The following CCNB3 variants were observed in gnomAD, a reference collection of about 807,000 sequenced individuals.
The protein encoded by CCNB3 is G2/mitotic-specific cyclin-B3.
A neutral mutation model predicts 68.0 loss-of-function variants in CCNB3; 12 were observed. That is an observed-to-expected ratio of 0.18 (90% CI 0.11 to 0.29). The LOEUF (loss-of-function observed/expected upper bound fraction) is 0.29. Among genes scored for constraint, CCNB3 ranks in the 10% least tolerant of loss-of-function variants. CCNB3 has a pLI of 1.00. For missense variants in CCNB3, 904 were observed against 993.1 expected (o/e 0.91, Z 1.21); for synonymous variants, 354 against 388.9 (o/e 0.91, Z 1.06).
intron 4 of CCNB3, among the ~76,000 whole-genome samples, chrX:50,293,372 C>T (rs1024015732): frequency 4.5e-5 from 5 of 109,967 alleles, no homozygotes; most frequent in South Asian, 7.9e-4. Context: ...TCCTTCACTT[C>T]CACTCAAATT....
intron 1 of CCNB3, among the ~76,000 whole-genome samples, chrX:50,226,637 AATAT>A (rs1329687370): frequency 1.0e-4 from 8 of 77,314 alleles, no homozygotes; most frequent in Non-Finnish European, 1.6e-4. Flanking sequence ...TATATCTATA[AATAT>A]ATATATAGAA....
intron 1 of CCNB3, among the ~76,000 whole-genome samples, chrX:50,216,301 C>T (rs1353795841): frequency 9.3e-6 from 1 of 107,850 alleles, no homozygotes; most frequent in Non-Finnish European, 1.9e-5. Flanking sequence ...CAGAGTCTCA[C>T]TCTGTTGCCC....
intron 8 of CCNB3, among the ~76,000 whole-genome samples, chrX:50,326,068 T>C (rs782380692): frequency 6.8e-4 from 76 of 111,914 alleles, no homozygotes; most frequent in Non-Finnish European, 2.3e-4. Context: ...GAATAAGTCT[T>C]AGTCATCTTT....
At chrX:50,280,273 A>T (rs1453658665) in intron 1 of CCNB3, among the ~76,000 whole-genome samples, 1 of 96,139 alleles carries the variant, frequency 1.0e-5, no homozygotes, top group Non-Finnish European at 2.0e-5. Flanking sequence ...GAATATAGAT[A>T]TAAATATATG....
intron 8 of CCNB3, among the ~76,000 whole-genome samples, chrX:50,321,923 A>G (rs1922036185): frequency 9.0e-6 from 1 of 111,000 alleles, no homozygotes; most frequent in Admixed American, 9.6e-5. Context: ...TACAATTTCA[A>G]TTTTTAAAAA....
At chrX:50,318,444 C>T (rs1557216139) in intron 8 of CCNB3, among the ~76,000 whole-genome samples, 2 of 110,839 alleles carry the variant, frequency 1.8e-5, no homozygotes, top group Non-Finnish European at 3.8e-5. Flanking sequence ...ACCTGGGAGG[C>T]GGAAGTTACA....
chrX:50,347,616 T>A lies in CCNB3; in HGVS notation c.3811-10T>A. The A allele has an allele frequency of 4.2e-6, 5 of 1,200,667 alleles. No homozygotes were observed. The highest frequency in any genetic ancestry group is 5.6e-6 in the Non-Finnish European group (5 of 888,956). On this transcript the variant is annotated splice_polypyrimidine_tract_variant and intron_variant, in intron 10 of 12. Coordinates refer to ENST00000376042, the MANE Select transcript of CCNB3 (RefSeq NM_033031.3). ...ATTGATTTCTGAGCCAGTCTTCTCA[T>A]TGCCTTTAGTGTATCCACACCAACA...
chrX:50,208,659 A>C, intron 1 of CCNB3, among the ~76,000 whole-genome samples: 1 of 111,927 alleles, frequency 8.9e-6, no homozygotes, highest in Non-Finnish European at 1.9e-5. Context: ...ATATCTTGCT[A>C]AGAATTTTGT....
chrX:50,309,016 T>A lies in CCNB3; in HGVS notation c.847T>A (p.Leu283Ile). ...KTEESIPTHK[L>I]SSLKKKCTIY... Reference sequence around the variant, plus strand: ...TGAGGAGTCAATCCCCACCCATAAGTTATCATCTTTAAAGAAGAAATGTAC... The same window carrying A: ...TGAGGAGTCAATCCCCACCCATAAGATATCATCTTTAAAGAAGAAATGTAC... The change falls in exon 6 of 13, where the codon TTA becomes ATA. Residue 283 changes from leucine (L) to isoleucine (I), a missense_variant. By Grantham distance (5) the Leu-to-Ile change is conservative. Around this residue, in one of 2 missense-constraint regions of CCNB3, gnomAD observed 619 missense variants for 609.8 expected, o/e 1.02. Coordinates refer to ENST00000376042, the MANE Select transcript of CCNB3 (RefSeq NM_033031.3). 1 of 1,210,939 alleles carries A rather than the reference T, an allele frequency of 8.3e-7. No individual in the cohort carries two copies. The highest frequency in any genetic ancestry group is 1.1e-6 in the Non-Finnish European group (1 of 895,084).
intron 8 of CCNB3, among the ~76,000 whole-genome samples, chrX:50,317,365 G>A (rs1338836037): frequency 9.0e-6 from 1 of 111,041 alleles, no homozygotes; most frequent in Non-Finnish European, 1.9e-5. Flanking sequence ...TCAGTCTGTA[G>A]TTTTTCTTTC....
chrX:50,307,770 A>G (rs1211984510), intron 5 of CCNB3, among the ~76,000 whole-genome samples: 1 of 111,002 alleles, frequency 9.0e-6, no homozygotes, highest in Non-Finnish European at 1.9e-5. Flanking sequence ...CATTTTGCAT[A>G]TTTCATATTG....
intron 1 of CCNB3, among the ~76,000 whole-genome samples, chrX:50,282,874 G>C (rs921686909): frequency 9.1e-6 from 1 of 110,128 alleles, no homozygotes; most frequent in African/African-American, 3.3e-5. Context: ...CAGAGTGTGA[G>C]TCTTTGGTCA....
intron 8 of CCNB3, among the ~76,000 whole-genome samples, chrX:50,322,864 A>G (rs1557216734): frequency 2.7e-5 from 3 of 110,850 alleles, no homozygotes; most frequent in East Asian, 2.8e-4. Flanking sequence ...CAAAACCACA[A>G]TGAGATACCA....
rs562711031 is a variant in CCNB3 at position 50,281,736 on chromosome X, C to A, written c.-112-2806C>A. Among the ~76,000 whole-genome samples, 14 of 111,348 alleles carry A rather than the reference C, an allele frequency of 1.3e-4. 1 individual carries two copies. In the South Asian group the frequency reaches 5.0e-3, roughly 40 times the overall value. On this transcript the variant is annotated intron_variant, in intron 1 of 12. Transcript: ENST00000376042. ...CCTGAATCAGAGTACTTTTACAAAA[C>A]GTCTTTTCACAAGTGAAAGTGTGCA...
chrX:50,294,977 A>G lies in CCNB3; in HGVS notation c.319A>G (p.Lys107Glu), dbSNP rs200435913. 37 of 1,203,883 alleles carry G rather than the reference A, an allele frequency of 3.1e-5. No homozygotes were observed. Among genetic ancestry groups the G allele is most frequent in the Middle Eastern group, 4.6e-4 (2 of 4,314 alleles). ...TGCTCTTGGACTGGCCAAAAAGAAT[A>G]AGCGGAATCTAAAATGGTGAGTGAA... is the stretch of plus-strand genomic sequence containing the variant. ...THALGLAKKNKRNLKWHKLEV... is the reference protein window; with the variant it reads ...THALGLAKKNERNLKWHKLEV... Residue 107 changes from lysine (K) to glutamate (E), a missense_variant, in exon 5 of 13, where the codon AAG (lysine) becomes GAG (glutamate). Physicochemically the swap from Lys to Glu is moderately conservative, Grantham distance 56. Transcript: ENST00000376042.
chrX:50,328,238 A>T (rs1333471448), intron 8 of CCNB3, among the ~76,000 whole-genome samples: 2 of 112,211 alleles, frequency 1.8e-5, no homozygotes, highest in African/African-American at 3.2e-5. Context: ...GTGTTAGATC[A>T]TTGTCACATT....
intron 1 of CCNB3, among the ~76,000 whole-genome samples, chrX:50,214,475 C>CATATATATAT (rs1184201216): frequency 0.017 from 157 of 9,466 alleles, 7 homozygotes; most frequent in African/African-American, 0.019. Context: ...AGCTGTGGCC[C>CATATATATAT]ATATATATAT....
chrX:50,311,116 G>C lies in CCNB3; in HGVS notation c.2947G>C (p.Glu983Gln). The C allele has an allele frequency of 8.3e-7, 1 of 1,209,646 alleles. No homozygotes were observed. The highest frequency in any genetic ancestry group is 1.1e-6 in the Non-Finnish European group (1 of 895,156). Residue 983 changes from glutamate to glutamine, a missense_variant, in exon 6 of 13, where the codon GAA becomes CAA. By Grantham distance (29) the Glu-to-Gln change is conservative. Coordinates refer to ENST00000376042, the MANE Select transcript of CCNB3 (RefSeq NM_033031.3). ...TSPNVSSTAP[E>Q]SITSKSSIAT... ...CCCAAATGTGTCTAGCACTGCCCCT[G>C]AATCCATAACCAGCAAGTCCAGCAT...
At chrX:50,294,211 G>C (rs12010967) in intron 4 of CCNB3, among the ~76,000 whole-genome samples, 3,843 of 111,254 alleles carry the variant, frequency 0.035, 173 homozygotes, top group African/African-American at 0.12. Context: ...AAAGTGCTGG[G>C]ACTGCAGGCA....
Sources: gnomAD v4.1 joint callset for allele counts (sites outside exome capture counted in the v4.1 genomes callset) on GRCh38, gnomAD v4.1.1 for gene constraint, gnomAD v4.1.1 regional missense constraint, MANE v1.5 for transcripts, NCBI Gene and HGNC (gene_info 2026-07-23, HGNC 2026-07-21) for gene names.